ATRN: variants seen among roughly 807,000 people sequenced by gnomAD.
The protein encoded by ATRN is attractin-2.
A neutral mutation model predicts 178.7 loss-of-function variants in ATRN; 54 were observed. That is an observed-to-expected ratio of 0.30 (90% CI 0.24 to 0.38). ATRN has a LOEUF of 0.38. ATRN is among the 10% of genes least tolerant of loss of function. The pLI is 1.00. For missense variants in ATRN, 1,443 were observed against 1,815.1 expected (o/e 0.79, Z 3.73); for synonymous variants, 636 against 663.0 (o/e 0.96, Z 0.63).
rs547838186 is a variant in ATRN at position 3,594,648 on chromosome 20, A to C, written c.3416+76A>C. ...CTGCCTGAACCCCACCCTGAGAGCC[A>C]CCCACTTCCCTGTGTCTTGTTGCTG... On this transcript the variant is annotated intron_variant, in intron 20 of 28. Coordinates refer to ENST00000262919, the MANE Select transcript of ATRN (RefSeq NM_139321.3). 4.9e-6 allele frequency: 6 copies of C among 1,223,666 alleles called. No individual in the cohort carries two copies. The Admixed American group carries it at 6.8e-5, about 14-fold the overall frequency. The allele number at this position is 1,223,666 out of a possible 1,614,324, so 75.8% of individuals were successfully genotyped here.
intron 25 of ATRN, among the ~76,000 whole-genome samples, chr20:3,624,994 G>A (rs1365633119): frequency 1.3e-5 from 2 of 152,064 alleles, no homozygotes; most frequent in African/African-American, 4.8e-5. Context: ...TGATTTTTTA[G>A]TGCCCTGGGA....
chr20:3,535,217 G>A (rs761918509), intron 1 of ATRN, 36 bp from the exon 2 acceptor site: 6 of 1,016,100 alleles, frequency 5.9e-6, no homozygotes, highest in Middle Eastern at 2.8e-4. Context: ...AATTAATATA[G>A]CAGACTTAAG....
Position 3,644,205 on chromosome 20 carries a change from G to C in ATRN, c.4102G>C (p.Val1368Leu). 3.1e-6 allele frequency: 5 copies of C among 1,614,198 alleles called. No individual in the cohort carries two copies. The East Asian group carries it at 1.1e-4, about 36-fold the overall frequency. The change falls in exon 28 of 29, where the codon GTC (valine) becomes CTC (leucine). Residue 1368 changes from valine (V) to leucine (L), a missense_variant. Val to Leu is a conservative substitution (Grantham distance 32). Around this residue, in one of 4 missense-constraint regions of ATRN, gnomAD observed 289 missense variants for 440.8 expected, o/e 0.66. Coordinates refer to ENST00000262919, the MANE Select transcript of ATRN (RefSeq NM_139321.3). Reference protein sequence around the residue: ...LEPCFGNKAAVLSVFVRLPRG... With the variant: ...LEPCFGNKAALLSVFVRLPRG... The stretch of plus-strand genomic sequence containing the variant: ...GCCGTGTTTTGGCAACAAAGCCGCT[G>C]TCCTCTCTGTGTTTGTGAGGCTCCC...
At chr20:3,489,228 T>G (rs1426702070) in intron 1 of ATRN, among the ~76,000 whole-genome samples, 1 of 152,258 alleles carries the variant, frequency 6.6e-6, no homozygotes, top group Non-Finnish European at 1.5e-5. Context: ...CCCAATGTGC[T>G]GGCATTACAG....
chr20:3,498,480 C>T (rs1322865250), intron 1 of ATRN, among the ~76,000 whole-genome samples: 6 of 151,928 alleles, frequency 3.9e-5, no homozygotes, highest in African/African-American at 1.4e-4. Context: ...AAAGCTTATC[C>T]ACCATGATCA....
In ATRN at chr20:3,527,631, T is replaced by C. The variant is rs539092511; in HGVS notation, c.411-7622T>C. ...AAAGACACATGCACACATATGTTTA[T>C]TGCAGCACTACTCACAATAGCAAAG... On this transcript the variant is annotated intron_variant, in intron 1 of 28. Transcript: ENST00000262919. Among the ~76,000 whole-genome samples the C allele has an allele frequency of 3.9e-5, 6 of 152,310 alleles. No individual in the cohort carries two copies. In the East Asian group the frequency reaches 9.6e-4, roughly 24 times the overall value.
intron 6 of ATRN, 38 bp downstream of exon 6, chr20:3,549,376 T>G: frequency 6.8e-7 from 1 of 1,462,578 alleles, no homozygotes; most frequent in African/African-American, 1.5e-5. Flanking sequence ...AAGCTTAGTT[T>G]TTTATTTTGA....
chr20:3,623,043 C>A lies in ATRN; in HGVS notation c.3802-1468C>A, dbSNP rs6107321. ...CTCATAGATTCTTTAAGTGTAAACA[C>A]CGAGGACACACTTAACGTTTTAAAA... On this transcript the variant is annotated intron_variant, in intron 24 of 28. Coordinates refer to ENST00000262919, the MANE Select transcript of ATRN (RefSeq NM_139321.3). 9.7e-3 allele frequency among the ~76,000 whole-genome samples: 1,471 copies of A among 152,312 alleles called. 30 individuals carry two copies. Among genetic ancestry groups the A allele is most frequent in the African/African-American group, 0.034 (1,398 of 41,560 alleles).
At chr20:3,485,864 C>T (rs1388221630) in intron 1 of ATRN, among the ~76,000 whole-genome samples, 1 of 152,012 alleles carries the variant, frequency 6.6e-6, no homozygotes, top group Non-Finnish European at 1.5e-5. Flanking sequence ...TCATAATCCT[C>T]CTGCCTCAGC....
chr20:3,472,796 G>A (rs2084450775), intron 1 of ATRN, among the ~76,000 whole-genome samples: 1 of 152,208 alleles, frequency 6.6e-6, no homozygotes, highest in Non-Finnish European at 1.5e-5. Context: ...GGTTAAGTAG[G>A]ATTTGGAAAT....
chr20:3,562,248 C>G (rs765151181), intron 8 of ATRN, 28 bp from the exon 9 acceptor site: 3 of 1,586,590 alleles, frequency 1.9e-6, no homozygotes, highest in Non-Finnish European at 2.6e-6. Context: ...GCCTGCCATG[C>G]TTGCCTTTAA....
chr20:3,471,657 T>G, intron 1 of ATRN, 140 bp downstream of exon 1: 1 of 1,154,804 alleles, frequency 8.7e-7, no homozygotes, highest in Non-Finnish European at 1.1e-6. Context: ...TGAGGGCCAT[T>G]TGCTTCCGGG....
At position 3,649,814 on chromosome 20, in the gene ATRN, G is replaced by A. The variant is rs751324307; in HGVS notation, c.*2967G>A. ...GGGGTTCTCCATTTTTTGTAGTTTT[G>A]TCTAAATTTTTAATGACCATTTCCT... On this transcript the variant is annotated 3_prime_UTR_variant, in exon 29 of 29. Coordinates refer to ENST00000262919, the MANE Select transcript of ATRN (RefSeq NM_139321.3). 3.9e-5 allele frequency: 6 copies of A among 152,236 alleles called. No individual in the cohort carries two copies. The highest frequency in any genetic ancestry group is 2.1e-4 in the South Asian group (1 of 4,820). The allele number at this position is 152,236 out of a possible 1,614,324, so 9.4% of individuals were successfully genotyped here.
intron 11 of ATRN, 54 bp from the exon 12 acceptor site, chr20:3,572,677 T>A: frequency 2.8e-6 from 4 of 1,417,130 alleles, no homozygotes; most frequent in Non-Finnish European, 3.9e-6. Context: ...AAGTATAGCA[T>A]CCAATTGTTA....
chr20:3,628,860 A>T, intron 25 of ATRN: 1 of 983,340 alleles, frequency 1.0e-6, no homozygotes, highest in Non-Finnish European at 1.2e-6. Context: ...CTATTATGCA[A>T]TCTTTTCTAT....
intron 1 of ATRN, among the ~76,000 whole-genome samples, chr20:3,502,626 A>G (rs557205771): frequency 2.6e-5 from 4 of 152,302 alleles, no homozygotes; most frequent in African/African-American, 7.2e-5. Context: ...TCTTAACCCT[A>G]TAAGTGGTGA....
intron 11 of ATRN, among the ~76,000 whole-genome samples, chr20:3,571,330 G>A (rs2086119745): frequency 6.6e-6 from 1 of 152,142 alleles, no homozygotes; most frequent in African/African-American, 2.4e-5. Flanking sequence ...GGCATAAGTG[G>A]GTTAATGCTG....
intron 18 of ATRN, among the ~76,000 whole-genome samples, chr20:3,587,186 A>C (rs896880169): frequency 6.6e-6 from 1 of 151,962 alleles, no homozygotes; most frequent in African/African-American, 2.4e-5. Context: ...GTTTCTTTTC[A>C]CTTTCTTAAT....
At chr20:3,479,681 A>T (rs2084591301) in intron 1 of ATRN, among the ~76,000 whole-genome samples, 1 of 152,216 alleles carries the variant, frequency 6.6e-6, no homozygotes, top group Non-Finnish European at 1.5e-5. Context: ...TGGGGACTAG[A>T]AGCCTGCAAT....
Sources: gnomAD v4.1 joint callset for allele counts (sites outside exome capture counted in the v4.1 genomes callset) on GRCh38, gnomAD v4.1.1 for gene constraint, gnomAD v4.1.1 regional missense constraint, MANE v1.5 for transcripts, NCBI Gene and HGNC (gene_info 2026-07-23, HGNC 2026-07-21) for gene names.